CPEB3: variants seen among roughly 807,000 people sequenced by gnomAD.
CPEB3 encodes cytoplasmic polyadenylation element-binding protein 3.
Under a neutral mutation model 67.2 loss-of-function variants are expected in CPEB3, and 20 were observed. The observed-to-expected ratio is 0.30, with a 90% confidence interval of 0.21 to 0.43. The LOEUF (loss-of-function observed/expected upper bound fraction) is 0.43, where lower values mean the gene tolerates loss of function less well. Ranked by LOEUF, CPEB3 falls within the 20% of genes least tolerant of loss-of-function variation. The probability of loss-of-function intolerance (pLI) is 1.00; values close to 1 mark genes in which losing one functional copy is unlikely to be tolerated. For synonymous variants in CPEB3, 376 were observed against 393.1 expected, an observed-to-expected ratio of 0.96 and a Z score of 0.51; for missense variants, 746 against 968.6, an observed-to-expected ratio of 0.77 and a Z score of 3.05.
At chr10:92,098,160 T>TAAAAAAAAAAAAAAAAAAAAAA (rs1166249584) in intron 7 of CPEB3, among the ~76,000 whole-genome samples, 1 of 36,106 alleles carries the variant, frequency 2.8e-5, no homozygotes, top group African/African-American at 1.1e-4. Flanking sequence ...ACACTCTGCC[T>TAAAAAAAAAAAAAAAAAAAAAA]AAAAAAAAAA....
intron 1 of CPEB3, among the ~76,000 whole-genome samples, chr10:92,244,288 A>C (rs1851967633): frequency 6.6e-6 from 1 of 151,376 alleles, no homozygotes; most frequent in South Asian, 2.1e-4. Flanking sequence ...TAGAGGTTGC[A>C]GTGAGCTGAG....
intron 1 of CPEB3, among the ~76,000 whole-genome samples, chr10:92,256,257 CT>C (rs1470465696): frequency 6.6e-6 from 1 of 152,100 alleles, no homozygotes; most frequent in Non-Finnish European, 1.5e-5. Context: ...TGTCTCTCAT[CT>C]AGTATTCTTC....
At chr10:92,106,814 C>CAAAAAAAAAAAAAAAAAAAAAAAA (rs531195477) in intron 7 of CPEB3, among the ~76,000 whole-genome samples, 18 of 55,966 alleles carry the variant, frequency 3.2e-4, no homozygotes, top group South Asian at 1.2e-3. Context: ...GACTCTGTCT[C>CAAAAAAAAAAAAAAAAAAAAAAAA]AAAAAAAAAA....
At position 92,181,014 on chromosome 10, in the gene CPEB3, T is replaced by A. The variant is rs143457838; in HGVS notation, c.1171A>T (p.Met391Leu). Residue 391 changes from methionine (M) to leucine (L), a missense_variant, in exon 4 of 10, where the codon ATG becomes TTG. Transcript: ENST00000265997. ...CCTGGATGATGGAAATTTATCCCCATGCGTCCTAAAAAATAAAATAATTTT... is the reference window on the plus strand; with the variant it reads ...CCTGGATGATGGAAATTTATCCCCAAGCGTCCTAAAAAATAAAATAATTTT... Reference protein sequence around the residue: ...IMWRNHFAGRMGINFHHPGTD... With the variant: ...IMWRNHFAGRLGINFHHPGTD... The A allele has an allele frequency of 2.6e-3, 3,906 of 1,500,082 alleles. 10 individuals carry two copies. Among genetic ancestry groups the A allele is most frequent in the Admixed American group, 3.2e-3 (193 of 59,434 alleles). 92.9% of individuals were successfully genotyped at this position (1,500,082 alleles called of 1,614,324 possible).
intron 1 of CPEB3, among the ~76,000 whole-genome samples, chr10:92,261,164 T>C (rs1852782731): frequency 6.6e-6 from 1 of 152,198 alleles, no homozygotes; most frequent in East Asian, 1.9e-4. Context: ...AACCAAGTAG[T>C]ATTTGTGTAA....
chr10:92,276,525 T>G (rs906303750), intron 1 of CPEB3, among the ~76,000 whole-genome samples: 1 of 151,678 alleles, frequency 6.6e-6, no homozygotes, highest in South Asian at 2.1e-4. Flanking sequence ...GTGATCCACC[T>G]GCCTTGGCCT....
chr10:92,105,472 T>G (rs942735131), intron 7 of CPEB3, among the ~76,000 whole-genome samples: 16 of 152,202 alleles, frequency 1.1e-4, no homozygotes. Flanking sequence ...TCTGAAATTT[T>G]TATTCCCTAT....
chr10:92,234,535 A>AGTAG, intron 2 of CPEB3, among the ~76,000 whole-genome samples: 2 of 152,330 alleles, frequency 1.3e-5, no homozygotes, highest in Admixed American at 1.3e-4. Context: ...TAGTCAAGGG[A>AGTAG]GTAGGAGCCA....
intron 4 of CPEB3, among the ~76,000 whole-genome samples, chr10:92,170,861 C>G (rs1847969117): frequency 6.6e-6 from 1 of 152,168 alleles, no homozygotes; most frequent in South Asian, 2.1e-4. Context: ...TTTCAACAAA[C>G]CATCTTCTTT....
chr10:92,202,320 T>C (rs541230368), intron 2 of CPEB3, among the ~76,000 whole-genome samples: 22 of 152,192 alleles, frequency 1.4e-4, no homozygotes, highest in African/African-American at 4.8e-4. Context: ...TGGATCCATA[T>C]ACACTGATGT....
chr10:92,276,654 T>G (rs994094857), intron 1 of CPEB3, among the ~76,000 whole-genome samples: 4 of 152,208 alleles, frequency 2.6e-5, no homozygotes, highest in African/African-American at 9.7e-5. Context: ...AAAACATTCA[T>G]GTACAAGTGT....
intron 4 of CPEB3, among the ~76,000 whole-genome samples, chr10:92,173,222 C>T (rs1848084029): frequency 6.6e-6 from 1 of 152,152 alleles, no homozygotes; most frequent in Non-Finnish European, 1.5e-5. Context: ...GTTTCCACTG[C>T]CTATACAAGT....
chr10:92,072,084 G>T (rs879616553), intron 9 of CPEB3, among the ~76,000 whole-genome samples: 3 of 152,032 alleles, frequency 2.0e-5, no homozygotes, highest in Admixed American at 2.0e-4. Context: ...TTTCATTTCA[G>T]GTTCAAAATC....
At position 92,123,571 on chromosome 10, in the gene CPEB3, T is replaced by C. The variant is rs147093049; in HGVS notation, c.1454-12377A>G. On this transcript the variant is annotated intron_variant, in intron 6 of 9. Transcript: ENST00000265997. ...ATGTCATATAGCTAGTAAATGCTGA[T>C]GCCCACATCTGAGTCCACAAACCTA... Among the ~76,000 whole-genome samples, 3 of 152,206 alleles carry C rather than the reference T, an allele frequency of 2.0e-5. 1 individual carries two copies. In the South Asian group the frequency reaches 6.2e-4, roughly 32 times the overall value.
chr10:92,285,845 T>A (rs777508471), intron 1 of CPEB3, among the ~76,000 whole-genome samples: 1 of 152,212 alleles, frequency 6.6e-6, no homozygotes, highest in Non-Finnish European at 1.5e-5. Flanking sequence ...AACTTCTACA[T>A]CACTCTAAAT....
chr10:92,254,741 C>T (rs900536116), intron 1 of CPEB3, among the ~76,000 whole-genome samples: 1 of 152,192 alleles, frequency 6.6e-6, no homozygotes, highest in Non-Finnish European at 1.5e-5. Context: ...TCACTGTAGC[C>T]TTGATCTCCT....
chr10:92,223,091 AG>A (rs1057157922), intron 2 of CPEB3, among the ~76,000 whole-genome samples: 1 of 152,206 alleles, frequency 6.6e-6, no homozygotes, highest in African/African-American at 2.4e-5. Flanking sequence ...TTGCAAAGCC[AG>A]GCTATAACCC....
intron 8 of CPEB3, among the ~76,000 whole-genome samples, chr10:92,083,545 A>C (rs1843242555): frequency 6.6e-6 from 1 of 152,230 alleles, no homozygotes; most frequent in South Asian, 2.1e-4. Flanking sequence ...CAAGAAACTG[A>C]AGGCAAAATT....
chr10:92,287,279 C>A (rs192037689), intron 1 of CPEB3, among the ~76,000 whole-genome samples: 6 of 152,186 alleles, frequency 3.9e-5, no homozygotes, highest in African/African-American at 7.2e-5. Flanking sequence ...CAGGTATGCG[C>A]CACTATCATA....
Sources: allele counts gnomAD v4.1 joint callset (sites outside exome capture counted in the v4.1 genomes callset), GRCh38; gene constraint gnomAD v4.1.1; transcripts MANE v1.5; gene names NCBI Gene and HGNC (gene_info 2026-07-23, HGNC 2026-07-21).